Variants in MACROD2 observed in about 807,000 individuals in gnomAD.
The protein encoded by MACROD2 is ADP-ribose glycohydrolase MACROD2.
In MACROD2, 36 loss-of-function variants were observed where a neutral mutation model predicts 70.4. That is an observed-to-expected ratio of 0.51 (90% CI 0.39 to 0.68). The LOEUF (loss-of-function observed/expected upper bound fraction) is 0.68. MACROD2 is among the 30% of genes least tolerant of loss of function. MACROD2 has a pLI of 0.00. For synonymous variants in MACROD2, 172 were observed against 178.8 expected (o/e 0.96, Z 0.30); for missense variants, 496 against 538.4 (o/e 0.92, Z 0.78).
At chr20:14,090,476 G>A (rs1435051214) in intron 3 of MACROD2, among the ~76,000 whole-genome samples, 1 of 151,530 alleles carries the variant, frequency 6.6e-6, no homozygotes, top group Non-Finnish European at 1.5e-5. Context: ...TGGAGGCTGA[G>A]GCAGGAGAAT....
chr20:14,067,160 T>C (rs1470255144), intron 2 of MACROD2, among the ~76,000 whole-genome samples: 2 of 143,248 alleles, frequency 1.4e-5, no homozygotes, highest in Non-Finnish European at 3.0e-5. Flanking sequence ...AGTCTTGCTC[T>C]GTTGCCAGGC....
intron 5 of MACROD2, among the ~76,000 whole-genome samples, chr20:15,118,184 T>C (rs1341238645): frequency 8.7e-6 from 1 of 114,864 alleles, no homozygotes; most frequent in Non-Finnish European, 1.7e-5. Context: ...AGTGAGCTTT[T>C]TTTAATTTTA....
At chr20:14,348,664 A>G (rs2083089345) in intron 3 of MACROD2, among the ~76,000 whole-genome samples, 2 of 152,144 alleles carry the variant, frequency 1.3e-5, no homozygotes, top group African/African-American at 4.8e-5. Flanking sequence ...TCTCCTCAGT[A>G]TCTTTAATAT....
In MACROD2 at chr20:14,326,984, T is replaced by G; in HGVS notation, c.272-166495T>G. The G allele has an allele frequency of 6.2e-7, 1 of 1,613,784 alleles. No individual in the cohort carries two copies. Among genetic ancestry groups the G allele is most frequent in the Non-Finnish European group, 8.5e-7 (1 of 1,179,782 alleles). ...TCCAAGCGTAGTTCTTCTATAGTCC[T>G]GGGCAAACCCCAGGGAATTGTGCTA... On this transcript the variant is annotated intron_variant, in intron 3 of 17. Transcript: ENST00000684519. This position sits in a 1 kb window ranked among gnomAD's most constrained non-coding sequence, Gnocchi z 5.5.
At chr20:15,297,754 T>G (rs1288934422) in intron 6 of MACROD2, among the ~76,000 whole-genome samples, 1 of 152,218 alleles carries the variant, frequency 6.6e-6, no homozygotes, top group Non-Finnish European at 1.5e-5. Flanking sequence ...TGACTTTGAC[T>G]TCGTCAGAAG....
At chr20:15,863,431 C>T (rs910657195) in intron 9 of MACROD2, among the ~76,000 whole-genome samples, 11 of 152,166 alleles carry the variant, frequency 7.2e-5, no homozygotes, top group Admixed American at 3.9e-4. Flanking sequence ...TTGAATGTGC[C>T]GTTAGTTGGA....
At chr20:15,193,464 AAG>A (rs2076584996) in intron 5 of MACROD2, among the ~76,000 whole-genome samples, 1 of 152,046 alleles carries the variant, frequency 6.6e-6, no homozygotes, top group South Asian at 2.1e-4. Flanking sequence ...GCAACATAGC[AAG>A]ACCCCATGCC....
intron 5 of MACROD2, among the ~76,000 whole-genome samples, chr20:14,828,956 C>CTT (rs200464102): frequency 1.2e-3 from 166 of 140,332 alleles, no homozygotes; most frequent in Admixed American, 3.9e-3. Context: ...TTTTTTCCTT[C>CTT]TTTTTTTTTT....
At chr20:15,735,967 G>GAA (rs11471989) in intron 8 of MACROD2, among the ~76,000 whole-genome samples, 1 of 151,642 alleles carries the variant, frequency 6.6e-6, no homozygotes, top group Admixed American at 6.6e-5. Flanking sequence ...AAACTCCTTA[G>GAA]GGATATATAT....
chr20:14,715,004 T>G (rs1271322378), intron 5 of MACROD2, among the ~76,000 whole-genome samples: 2 of 152,186 alleles, frequency 1.3e-5, no homozygotes, highest in African/African-American at 4.8e-5. Flanking sequence ...AGGTGTTGTA[T>G]TAGTCCATTC....
intron 4 of MACROD2, among the ~76,000 whole-genome samples, chr20:14,619,649 C>T (rs570784856): frequency 3.4e-4 from 52 of 151,946 alleles, no homozygotes; most frequent in Admixed American, 2.9e-3. Context: ...CATTTGTATT[C>T]CCTATTTTTC....
intron 5 of MACROD2, among the ~76,000 whole-genome samples, chr20:15,183,709 C>T (rs1439555334): frequency 1.3e-5 from 2 of 152,106 alleles, no homozygotes; most frequent in African/African-American, 2.4e-5. Flanking sequence ...TGTCTTAAGC[C>T]CAAAACAGTA....
intron 5 of MACROD2, among the ~76,000 whole-genome samples, chr20:15,220,313 AG>A (rs2076848414): frequency 6.6e-6 from 1 of 152,250 alleles, no homozygotes; most frequent in African/African-American, 2.4e-5. Flanking sequence ...AATCACCCAC[AG>A]ATTCACTAAT....
At chr20:15,905,663 T>C (rs1256154882) in intron 10 of MACROD2, among the ~76,000 whole-genome samples, 3 of 152,208 alleles carry the variant, frequency 2.0e-5, no homozygotes, top group Non-Finnish European at 2.9e-5. Context: ...AGGAGAGGTA[T>C]TGCTATTTGA....
intron 3 of MACROD2, among the ~76,000 whole-genome samples, chr20:14,181,298 G>A (rs1019815692): frequency 6.6e-6 from 1 of 151,820 alleles, no homozygotes; most frequent in Non-Finnish European, 1.5e-5. Context: ...AAACTCCTGG[G>A]CTCAAGCATT....
chr20:14,422,110 T>G (rs1207203508), intron 3 of MACROD2, among the ~76,000 whole-genome samples: 1 of 152,158 alleles, frequency 6.6e-6, no homozygotes, highest in Non-Finnish European at 1.5e-5. Flanking sequence ...AATTTATAAT[T>G]GTTATATATT....
chr20:14,002,225 A>G, intron 1 of MACROD2, 63 bp from the exon 2 acceptor site: 1 of 1,094,452 alleles, frequency 9.1e-7, no homozygotes, highest in Non-Finnish European at 1.3e-6. Context: ...TACTTAAAGT[A>G]TAAAAATAAT....
chr20:14,858,486 CTTGA>C, intron 5 of MACROD2, among the ~76,000 whole-genome samples: 1 of 152,208 alleles, frequency 6.6e-6, no homozygotes, highest in East Asian at 1.9e-4. Context: ...AGATTACAAA[CTTGA>C]TTGTGAAAAA....
chr20:15,186,274 G>C (rs560196087), intron 5 of MACROD2, among the ~76,000 whole-genome samples: 65 of 152,182 alleles, frequency 4.3e-4, no homozygotes, highest in African/African-American at 1.5e-3. Context: ...CATACCTGGT[G>C]GATTAGGCAG....
Sources: allele counts gnomAD v4.1 joint callset (sites outside exome capture counted in the v4.1 genomes callset), GRCh38; gene constraint gnomAD v4.1.1; non-coding constraint Gnocchi (gnomAD v3.1); transcripts MANE v1.5; gene names NCBI Gene and HGNC (gene_info 2026-07-23, HGNC 2026-07-21).